Variants in IRX6 observed in about 807,000 individuals in gnomAD.
The protein encoded by IRX6 is iroquois-class homeodomain protein IRX-6.
In IRX6, 46 loss-of-function variants were observed where a neutral mutation model predicts 47.7. The ratio of observed to expected loss-of-function variants is 0.96; its 90% CI spans 0.76 to 1.23. The LOEUF is 1.23. IRX6 is among the 50% of genes most tolerant of loss of function. The pLI, the probability that IRX6 is intolerant of heterozygous loss-of-function variation, is 0.00. For missense variants in IRX6, 722 were observed against 588.0 expected (o/e 1.23, Z -2.36); for synonymous variants, 265 against 246.2 (o/e 1.08, Z -0.72).
At chr16:55,326,864 C>T (rs1339612300) in intron 2 of IRX6, 1 of 390,608 alleles carries the variant, frequency 2.6e-6, no homozygotes, top group Non-Finnish European at 4.5e-6. Context: ...AAATACTTTG[C>T]CCAATGTCAC....
At chr16:55,326,269 G>T (rs1225293713) in intron 1 of IRX6, 67 bp from the exon 2 acceptor site, 73 of 1,339,528 alleles carry the variant, frequency 5.4e-5, no homozygotes, top group Non-Finnish European at 7.1e-5. Flanking sequence ...GCTCCCTTCA[G>T]CGGGAGCGGG....
chr16:55,330,184 C>T (rs1359780514), intron 5 of IRX6, 114 bp from the exon 6 acceptor site: 3 of 894,482 alleles, frequency 3.4e-6, no homozygotes, highest in Non-Finnish European at 5.6e-6. Context: ...CTCTGGCAAG[C>T]TAATTGCCTC....
intron 3 of IRX6, 36 bp from the exon 4 acceptor site, chr16:55,327,550 C>T: frequency 1.3e-6 from 2 of 1,578,972 alleles, no homozygotes; most frequent in Non-Finnish European, 1.7e-6. Context: ...GTTCCTTGTT[C>T]CTCTTCTATA....
Position 55,326,973 on chromosome 16 carries a change from C to G in IRX6, c.304-323C>G, listed in dbSNP as rs998754742. 3.7e-3 allele frequency: 216 copies of G among 58,676 alleles called. 1 individual carries two copies. Among genetic ancestry groups the G allele is most frequent in the South Asian group, 7.3e-3 (15 of 2,062 alleles). The allele number at this position is 58,676 out of a possible 1,614,324, so 3.6% of individuals were successfully genotyped here. A position where few individuals can be genotyped will look rare whatever the true frequency, so the allele number is the denominator to read the frequency against. On this transcript the variant is annotated intron_variant, in intron 2 of 5. Transcript: ENST00000290552. ...GGGGCAGGGGGCGGGGGGTGGGGGG[C>G]AGTAAGGGGGGAAAGGAGGGAGGGA...
In IRX6 at chr16:55,329,214, C is replaced by T. The variant is rs1211428713; in HGVS notation, c.1236C>T (p.Asn412=). ...ESSCIPKAFG[N]PKFALQGLPL... The stretch of plus-strand genomic sequence containing the variant: ...CCTGCATACCCAAAGCCTTTGGAAA[C>T]CCCAAGTTTGCCCTGCAGGGACTAC... Residue 412 remains asparagine, a synonymous_variant, in exon 5 of 6, where the codon AAC becomes AAT. Coordinates refer to ENST00000290552, the MANE Select transcript of IRX6 (RefSeq NM_024335.3). The T allele has an allele frequency of 5.0e-6, 8 of 1,614,072 alleles. No homozygotes were observed. The highest frequency in any genetic ancestry group is 6.8e-6 in the Non-Finnish European group (8 of 1,180,044).
At position 55,326,545 on chromosome 16, in the gene IRX6, T is replaced by G. The variant is rs1427238535; in HGVS notation, c.255T>G (p.Pro85=). 1.9e-6 allele frequency: 3 copies of G among 1,586,216 alleles called. No homozygotes were observed. The highest frequency in any genetic ancestry group is 2.6e-6 in the Non-Finnish European group (3 of 1,165,312). Reference sequence around the variant, plus strand: ...CCGCTGCAGCTGCCCAGAGCTACCCTGGCTACCTGCCCTATAGCCCAGAGC... The same window carrying G: ...CCGCTGCAGCTGCCCAGAGCTACCCGGGCTACCTGCCCTATAGCCCAGAGC... ...YAAAAAAQSY[P]GYLPYSPEPP... Residue 85 remains proline, a synonymous_variant, in exon 2 of 6, where the codon CCT becomes CCG. Transcript: ENST00000290552.
rs768748111 is a variant in IRX6 at position 55,326,414 on chromosome 16, A to C, written c.124A>C (p.Thr42Pro). The change falls in exon 2 of 6, where the codon ACC becomes CCC. Residue 42 changes from threonine (T) to proline (P), a missense_variant. Coordinates refer to ENST00000290552, the MANE Select transcript of IRX6 (RefSeq NM_024335.3). ...TGTCTCAGATGTGGCATCAGGCTCC[A>C]CCCCAGCGCCCGCTCTCTGCTGCGC... is the stretch of plus-strand genomic sequence containing the variant. ...RSVSDVASGS[T>P]PAPALCCAPY... is the part of the protein sequence containing the mutation. 6.2e-7 allele frequency: 1 copy of C among 1,613,904 alleles called. No homozygotes were observed. The highest frequency in any genetic ancestry group is 1.1e-5 in the South Asian group (1 of 91,074).
intron 5 of IRX6, among the ~76,000 whole-genome samples, 155 bp downstream of exon 5, chr16:55,329,466 G>A (rs1960605466): frequency 6.6e-6 from 1 of 152,246 alleles, no homozygotes; most frequent in African/African-American, 2.4e-5. Flanking sequence ...AGACGGAAGC[G>A]TAGAGATAGG....
chr16:55,324,784 G>A lies in IRX6; in HGVS notation c.-308G>A. The A allele has an allele frequency of 4.4e-6, 2 of 459,424 alleles. No individual in the cohort carries two copies. The allele number at this position is 459,424 out of a possible 1,614,324, so 28.5% of individuals were successfully genotyped here. On this transcript the variant is annotated 5_prime_UTR_variant, in exon 1 of 6. Coordinates refer to ENST00000290552, the MANE Select transcript of IRX6 (RefSeq NM_024335.3). The surrounding 1 kb of genome is among the most constrained non-coding windows in gnomAD (Gnocchi z 4.4). Reference sequence around the variant, plus strand: ...CACCTCCGGAGCCTCACAGCCCCGCGCCGCGCCGCGCCTCACCTCGCCACC... The same window carrying A: ...CACCTCCGGAGCCTCACAGCCCCGCACCGCGCCGCGCCTCACCTCGCCACC...
In IRX6 at chr16:55,329,051, C is replaced by G; in HGVS notation, c.1073C>G (p.Ala358Gly). Residue 358 changes from alanine (A) to glycine (G), a missense_variant, in exon 5 of 6, where the codon GCG becomes GGG. By Grantham distance (60) the Ala-to-Gly change is moderately conservative (BLOSUM62 0). Coordinates refer to ENST00000290552, the MANE Select transcript of IRX6 (RefSeq NM_024335.3). ...CGCATCTGGTCTCTGGCGCACACCG[C>G]GACAGCCAGCGCTGTTGAAGGTGCA... is the stretch of plus-strand genomic sequence containing the variant. ...KPRIWSLAHT[A>G]TASAVEGAPP... is the part of the protein sequence containing the mutation. 6.2e-7 allele frequency: 1 copy of G among 1,614,014 alleles called. No homozygotes were observed. The highest frequency in any genetic ancestry group is 1.3e-5 in the African/African-American group (1 of 75,050).
chr16:55,325,145 C>T lies in IRX6; in HGVS notation c.45+9C>T, dbSNP rs760512788. Reference sequence around the variant, plus strand: ...ACCGCGGCGCTTCCCAGGTAAGAGGCGCCTCTATGGGGGATAGGGGACAGA... The same window carrying T: ...ACCGCGGCGCTTCCCAGGTAAGAGGTGCCTCTATGGGGGATAGGGGACAGA... On this transcript the variant is annotated intron_variant, in intron 1 of 5. Coordinates refer to ENST00000290552, the MANE Select transcript of IRX6 (RefSeq NM_024335.3). The T allele has an allele frequency of 3.1e-6, 5 of 1,613,590 alleles. No individual in the cohort carries two copies. Among genetic ancestry groups the T allele is most frequent in the Non-Finnish European group, 4.2e-6 (5 of 1,179,830 alleles).
chr16:55,329,430 G>A (rs1186596380), intron 5 of IRX6, 119 bp downstream of exon 5: 2 of 1,297,046 alleles, frequency 1.5e-6, no homozygotes, highest in Non-Finnish European at 2.1e-6. Context: ...CAGAACTGAC[G>A]GGAGATTGCT....
In IRX6 at chr16:55,329,215, C is replaced by G; in HGVS notation, c.1237C>G (p.Pro413Ala). The change falls in exon 5 of 6, where the codon CCC becomes GCC. Residue 413 changes from proline to alanine, a missense_variant. Transcript: ENST00000290552. ...CTGCATACCCAAAGCCTTTGGAAAC[C>G]CCAAGTTTGCCCTGCAGGGACTACC... ...SSCIPKAFGN[P>A]KFALQGLPLN... 6.2e-7 allele frequency: 1 copy of G among 1,614,044 alleles called. No individual in the cohort carries two copies. The highest frequency in any genetic ancestry group is 8.5e-7 in the Non-Finnish European group (1 of 1,180,048).
At position 55,327,997 on chromosome 16, in the gene IRX6, A is replaced by AG. The variant is rs1960567781; in HGVS notation, c.721+105dup. 10 of 1,138,052 alleles carry AG rather than the reference A, an allele frequency of 8.8e-6. 1 individual carries two copies. In the South Asian group the frequency reaches 1.3e-4, roughly 15 times the overall value. 70.5% of individuals were successfully genotyped at this position (1,138,052 alleles called of 1,614,324 possible). A position where few individuals can be genotyped will look rare whatever the true frequency, so the allele number is the denominator to read the frequency against. On this transcript the variant is annotated intron_variant, in intron 4 of 5. Coordinates refer to ENST00000290552, the MANE Select transcript of IRX6 (RefSeq NM_024335.3). Reference sequence around the variant, plus strand: ...AGGGTAGATTTTCTGGAAGGTCCTCAGACTTACCCTTGCACTTCCCTGCCT... The same window carrying AG: ...AGGGTAGATTTTCTGGAAGGTCCTCAGGACTTACCCTTGCACTTCCCTGCCT...
Position 55,329,255 on chromosome 16 carries a change from C to G in IRX6, c.1277C>G (p.Pro426Arg). The change falls in exon 5 of 6, where the codon CCG becomes CGG. Residue 426 changes from proline to arginine, a missense_variant. By Grantham distance (103) the Pro-to-Arg change is moderately radical. Transcript: ENST00000290552. ...ALQGLPLNCA[P>R]CPRRSEPVVQ... ...CAGGGACTACCGCTGAACTGTGCGCCGTGCCCGCGGAGGAGCGAGCCTGTA... is the reference window on the plus strand; with the variant it reads ...CAGGGACTACCGCTGAACTGTGCGCGGTGCCCGCGGAGGAGCGAGCCTGTA... 2 of 1,613,482 alleles carry G rather than the reference C, an allele frequency of 1.2e-6. No homozygotes were observed. The highest frequency in any genetic ancestry group is 8.5e-7 in the Non-Finnish European group (1 of 1,179,938).
At position 55,329,429 on chromosome 16, in the gene IRX6, C is replaced by G. The variant is rs560558917; in HGVS notation, c.1333+118C>G. On this transcript the variant is annotated intron_variant, in intron 5 of 5. Coordinates refer to ENST00000290552, the MANE Select transcript of IRX6 (RefSeq NM_024335.3). ...CTGCCCAGGTCTCCCACAGAACTGA[C>G]GGGAGATTGCTTTACAGCGCTCTTT... 72 of 1,284,042 alleles carry G rather than the reference C, an allele frequency of 5.6e-5. No individual in the cohort carries two copies. In the African/African-American group the frequency reaches 1.0e-3, roughly 18 times the overall value. The allele number at this position is 1,284,042 out of a possible 1,614,324, so 79.5% of individuals were successfully genotyped here.
rs1960590250 is a variant in IRX6 at position 55,328,949 on chromosome 16, C to T, written c.971C>T (p.Ser324Leu). ...TTCTCCTTCAATGACCCTTCCGGAT[C>T]GGAAGAAGCTGACTTCCTCTCGGCG... ...PRFSFNDPSG[S>L]EEADFLSAET... Residue 324 changes from serine (S) to leucine (L), a missense_variant, in exon 5 of 6, where the codon TCG (serine) becomes TTG (leucine). Physicochemically the swap from Ser to Leu is moderately radical, Grantham distance 145 (BLOSUM62 -2). Coordinates refer to ENST00000290552, the MANE Select transcript of IRX6 (RefSeq NM_024335.3). 6.2e-7 allele frequency: 1 copy of T among 1,613,532 alleles called. No homozygotes were observed. Among genetic ancestry groups the T allele is most frequent in the Non-Finnish European group, 8.5e-7 (1 of 1,180,026 alleles).
In IRX6 at chr16:55,330,710, C is replaced by T. The variant is rs1288630485; in HGVS notation, c.*405C>T. On this transcript the variant is annotated 3_prime_UTR_variant, in exon 6 of 6. Coordinates refer to ENST00000290552, the MANE Select transcript of IRX6 (RefSeq NM_024335.3). ...CCAATAAGGACCCTGTGCGTCTTCT[C>T]CCCCTCCTAAGCCCTTGTGTCCTTA... is the stretch of plus-strand genomic sequence containing the variant. 3.5e-6 allele frequency: 1 copy of T among 284,784 alleles called. No homozygotes were observed. The highest frequency in any genetic ancestry group is 6.7e-6 in the Non-Finnish European group (1 of 148,362). The allele number at this position is 284,784 out of a possible 1,614,324, so 17.6% of individuals were successfully genotyped here.
chr16:55,326,405 T>C lies in IRX6; in HGVS notation c.115T>C (p.Ser39Pro). The C allele has an allele frequency of 6.2e-7, 1 of 1,614,062 alleles. No individual in the cohort carries two copies. The highest frequency in any genetic ancestry group is 2.2e-5 in the East Asian group (1 of 44,860). The change falls in exon 2 of 6, where the codon TCA becomes CCA. Residue 39 changes from serine (S) to proline (P), a missense_variant. Ser to Pro is a moderately conservative substitution (Grantham distance 74). Coordinates refer to ENST00000290552, the MANE Select transcript of IRX6 (RefSeq NM_024335.3). ...CCAACGCTCTGTCTCAGATGTGGCA[T>C]CAGGCTCCACCCCAGCGCCCGCTCT... Reference protein sequence around the residue: ...STQRSVSDVASGSTPAPALCC... With the variant: ...STQRSVSDVAPGSTPAPALCC...
Sources: allele counts gnomAD v4.1 joint callset (sites outside exome capture counted in the v4.1 genomes callset), GRCh38; gene constraint gnomAD v4.1.1; non-coding constraint Gnocchi (gnomAD v3.1); transcripts MANE v1.5; gene names NCBI Gene and HGNC (gene_info 2026-07-23, HGNC 2026-07-21).